WDPCP: variants seen among roughly 807,000 people sequenced by gnomAD.
WDPCP encodes the protein WD repeat-containing and planar cell polarity effector protein fritz homolog.
A neutral mutation model predicts 93.1 loss-of-function variants in WDPCP; 71 were observed. That is an observed-to-expected ratio of 0.76 (90% CI 0.63 to 0.93). The LOEUF (loss-of-function observed/expected upper bound fraction) is 0.93, where lower values mean the gene tolerates loss of function less well. Ranked by LOEUF, WDPCP falls within the 40% of genes least tolerant of loss-of-function variation. The pLI is 0.00. For synonymous variants in WDPCP, 315 were observed against 315.0 expected (o/e 1.00, Z 0.00); for missense variants, 844 against 887.4 (o/e 0.95, Z 0.62).
intron 1 of WDPCP, among the ~76,000 whole-genome samples, chr2:63,817,052 G>A (rs1226411897): frequency 6.6e-6 from 1 of 151,896 alleles, no homozygotes; most frequent in Non-Finnish European, 1.5e-5. Flanking sequence ...AGGACGGTGG[G>A]GTTACACAGG....
chr2:63,415,263 T>A (rs1201360293), intron 9 of WDPCP, among the ~76,000 whole-genome samples: 1 of 152,100 alleles, frequency 6.6e-6, no homozygotes, highest in Non-Finnish European at 1.5e-5. Context: ...CTCAGGAGGC[T>A]GAGGTGGGAG....
intron 17 of WDPCP, among the ~76,000 whole-genome samples, chr2:63,141,122 C>T (rs576222425): frequency 6.6e-6 from 1 of 152,032 alleles, no homozygotes; most frequent in South Asian, 2.1e-4. Flanking sequence ...CTCTGTTGCC[C>T]AGGCTGTAGT....
chr2:63,196,813 G>A (rs772772711), intron 14 of WDPCP, among the ~76,000 whole-genome samples: 13 of 152,176 alleles, frequency 8.5e-5, no homozygotes, highest in African/African-American at 3.1e-4. Flanking sequence ...GAGTGCCTCC[G>A]ACTATGAGTA....
chr2:63,644,538 G>A (rs563870832), intron 3 of WDPCP, among the ~76,000 whole-genome samples: 10 of 152,072 alleles, frequency 6.6e-5, no homozygotes, highest in Admixed American at 2.6e-4. Flanking sequence ...CACCGTGCCC[G>A]GCCTCCCTTC....
At chr2:63,332,529 T>G (rs1017782620) in intron 12 of WDPCP, among the ~76,000 whole-genome samples, 10 of 152,184 alleles carry the variant, frequency 6.6e-5, no homozygotes, top group Admixed American at 3.3e-4. Context: ...ACATCCATAT[T>G]TTTTCTTTGG....
At chr2:63,210,481 C>T (rs1327718776) in intron 14 of WDPCP, among the ~76,000 whole-genome samples, 13 of 152,012 alleles carry the variant, frequency 8.6e-5, no homozygotes, top group Non-Finnish European at 1.5e-4. Flanking sequence ...GGGGAAGTTC[C>T]AAGATGGCGG....
chr2:63,425,898 G>A (rs549723544), intron 9 of WDPCP, among the ~76,000 whole-genome samples: 1 of 152,236 alleles, frequency 6.6e-6, no homozygotes, highest in East Asian at 1.9e-4. Context: ...TACTATAAAA[G>A]ACAACCATCC....
At chr2:63,320,736 A>G (rs1687018098) in intron 12 of WDPCP, among the ~76,000 whole-genome samples, 1 of 150,368 alleles carries the variant, frequency 6.7e-6, no homozygotes, top group Non-Finnish European at 1.5e-5. Flanking sequence ...GAAAATATTA[A>G]AATAATCCAA....
intron 1 of WDPCP, among the ~76,000 whole-genome samples, chr2:63,550,803 A>G (rs1705574103): frequency 6.6e-6 from 1 of 151,646 alleles, no homozygotes; most frequent in African/African-American, 2.4e-5. Flanking sequence ...ATATATATAT[A>G]TACACACCCA....
intron 14 of WDPCP, among the ~76,000 whole-genome samples, chr2:63,245,882 A>G (rs186910969): frequency 1.1e-3 from 169 of 152,294 alleles, no homozygotes; most frequent in Non-Finnish European, 2.1e-3. Flanking sequence ...CCATCACCTT[A>G]GCACTTACTA....
chr2:63,680,607 T>A (rs1424061748), intron 2 of WDPCP, among the ~76,000 whole-genome samples: 1 of 152,104 alleles, frequency 6.6e-6, no homozygotes, highest in African/African-American at 2.4e-5. Flanking sequence ...TAAATAAACA[T>A]GAAAGGCTAT....
rs1314791718 is a variant in WDPCP, at chr2:63,576,912, C to G, written c.75+11285G>C. 3.3e-5 allele frequency among the ~76,000 whole-genome samples: 5 copies of G among 152,072 alleles called. No homozygotes were observed. The East Asian group carries it at 7.7e-4, about 23-fold the overall frequency. On this transcript the variant is annotated intron_variant, in intron 1 of 17. Transcript: ENST00000272321. ...CCATCATTAACAGGTTTCTCACAGGCAACTTAATAATAAAATCAGATTTTC... is the reference window on the plus strand; with the variant it reads ...CCATCATTAACAGGTTTCTCACAGGGAACTTAATAATAAAATCAGATTTTC...
chr2:63,832,324 T>C (rs1323307093), upstream of WDPCP, among the ~76,000 whole-genome samples: 2 of 152,162 alleles, frequency 1.3e-5, no homozygotes, highest in Non-Finnish European at 2.9e-5. Flanking sequence ...TTCCAAGGCA[T>C]GAGGTTGAAA....
chr2:63,343,876 T>C (rs953575627), intron 12 of WDPCP, among the ~76,000 whole-genome samples: 1 of 152,194 alleles, frequency 6.6e-6, no homozygotes, highest in Non-Finnish European at 1.5e-5. Flanking sequence ...TTTTATAATT[T>C]CTATCTCTTC....
At chr2:63,456,432 T>C (rs535222245) in intron 6 of WDPCP, among the ~76,000 whole-genome samples, 29 of 151,454 alleles carry the variant, frequency 1.9e-4, no homozygotes, top group African/African-American at 6.1e-4. Flanking sequence ...AATAAATAAA[T>C]AATAAATGAA....
chr2:63,700,261 T>A (rs1353766286), intron 2 of WDPCP, among the ~76,000 whole-genome samples: 1 of 116,318 alleles, frequency 8.6e-6, no homozygotes, highest in African/African-American at 3.5e-5. Context: ...GCAGCCTGGG[T>A]GACAGAGTGA....
At chr2:63,482,071 A>G (rs891074791) in intron 6 of WDPCP, among the ~76,000 whole-genome samples, 4 of 151,980 alleles carry the variant, frequency 2.6e-5, no homozygotes, top group Non-Finnish European at 5.9e-5. Flanking sequence ...GACAACATCA[A>G]CTAAGCTTTG....
intron 2 of WDPCP, among the ~76,000 whole-genome samples, chr2:63,679,291 T>G (rs945433430): frequency 3.3e-5 from 5 of 151,912 alleles, no homozygotes; most frequent in Admixed American, 2.0e-4. Flanking sequence ...GGGCTCCCCA[T>G]GGAGTCATGG....
chr2:63,635,434 T>C (rs1229491577), intron 3 of WDPCP, among the ~76,000 whole-genome samples: 1 of 151,892 alleles, frequency 6.6e-6, no homozygotes, highest in Non-Finnish European at 1.5e-5. Context: ...AAATTAGAGG[T>C]CAATATCCCT....
Sources: allele counts gnomAD v4.1 joint callset (sites outside exome capture counted in the v4.1 genomes callset), GRCh38; gene constraint gnomAD v4.1.1; transcripts MANE v1.5; gene names NCBI Gene and HGNC (gene_info 2026-07-23, HGNC 2026-07-21).